Variants in DRC3 observed in about 807,000 individuals in gnomAD.
The protein encoded by DRC3 is leucine rich repeat containing 48.
In DRC3, 45 loss-of-function variants were observed where a neutral mutation model predicts 57.6. The ratio of observed to expected loss-of-function variants is 0.78; its 90% CI spans 0.62 to 1.00. The LOEUF is 1.00. DRC3 is among the 50% of genes least tolerant of loss of function. The probability of loss-of-function intolerance (pLI) is 0.00; values close to 1 mark genes in which losing one functional copy is unlikely to be tolerated. For missense variants in DRC3, 655 were observed against 675.2 expected, an observed-to-expected ratio of 0.97 and a Z score of 0.33; for synonymous variants, 257 against 272.3, an observed-to-expected ratio of 0.94 and a Z score of 0.55.
chr17:17,977,383 C>A, intron 2 of DRC3, 199 bp from the exon 3 acceptor site: 1 of 589,398 alleles, frequency 1.7e-6, no homozygotes. Flanking sequence ...GTGGACAGGC[C>A]CAGGTGGTTG....
chr17:18,012,102 G>A (rs908183735), intron 12 of DRC3, among the ~76,000 whole-genome samples: 3 of 152,148 alleles, frequency 2.0e-5, no homozygotes, highest in Admixed American at 6.6e-5. Flanking sequence ...GTAACACAGG[G>A]TTTTTATATA....
chr17:17,980,242 TG>T (rs966870112), intron 3 of DRC3, among the ~76,000 whole-genome samples: 1 of 151,600 alleles, frequency 6.6e-6, no homozygotes, highest in African/African-American at 2.4e-5. Context: ...CTGGACTGTA[TG>T]TTTTTTTTTT....
chr17:17,989,951 G>T (rs1054409577), intron 5 of DRC3, among the ~76,000 whole-genome samples: 2 of 152,236 alleles, frequency 1.3e-5, no homozygotes, highest in Non-Finnish European at 2.9e-5. Flanking sequence ...ATTTAGTGGC[G>T]TGATAATTGG....
intron 5 of DRC3, among the ~76,000 whole-genome samples, chr17:17,989,750 A>C (rs2145302333): frequency 6.6e-6 from 1 of 152,340 alleles, no homozygotes; most frequent in Admixed American, 6.5e-5. Flanking sequence ...GATTCCCGCA[A>C]CAGCTGAGGG....
At chr17:17,977,503 C>T in intron 2 of DRC3, 79 bp from the exon 3 acceptor site, 1 of 1,553,166 alleles carries the variant, frequency 6.4e-7, no homozygotes, top group Non-Finnish European at 8.8e-7. Flanking sequence ...CAAGACACTA[C>T]AGGGGGAAAC....
intron 11 of DRC3, 62 bp downstream of exon 11, chr17:18,006,315 G>T (rs373178201): frequency 3.2e-6 from 4 of 1,236,276 alleles, no homozygotes. Context: ...GGCTTGTCCC[G>T]GCCTCTGGAC....
intron 9 of DRC3, among the ~76,000 whole-genome samples, chr17:18,002,898 C>G (rs2043794407): frequency 6.6e-6 from 1 of 152,008 alleles, no homozygotes; most frequent in Non-Finnish European, 1.5e-5. Flanking sequence ...TGACTGGGAC[C>G]AAGAATTAAA....
At chr17:18,009,917 TGAG>T (rs756195735) in intron 12 of DRC3, among the ~76,000 whole-genome samples, 15 of 152,212 alleles carry the variant, frequency 9.9e-5, no homozygotes, top group Admixed American at 2.6e-4. Flanking sequence ...ACGTACATGC[TGAG>T]GAGAGAGCCT....
chr17:17,983,887 A>G lies in DRC3; in HGVS notation c.220A>G (p.Asn74Asp). ...FENLRKLQLD[N>D]NIIEKIEGLE... The stretch of plus-strand genomic sequence containing the variant: ...GAACTTGAGGAAGCTGCAGCTGGAC[A>G]ATAACATCATTGAGAAGATCGAGGG... The change falls in exon 4 of 14, where the codon AAT becomes GAT. Residue 74 changes from asparagine to aspartate, a missense_variant. Coordinates refer to ENST00000399187, the MANE Select transcript of DRC3 (RefSeq NM_031294.4). The G allele has an allele frequency of 6.2e-7, 1 of 1,613,700 alleles. No individual in the cohort carries two copies. The highest frequency in any genetic ancestry group is 8.5e-7 in the Non-Finnish European group (1 of 1,179,662).
chr17:17,979,205 G>A (rs149161799), intron 3 of DRC3, among the ~76,000 whole-genome samples: 433 of 152,268 alleles, frequency 2.8e-3, no homozygotes, highest in African/African-American at 9.6e-3. Context: ...GCTGGACCCC[G>A]CCTTATCATC....
chr17:17,983,472 G>T (rs907199710), intron 3 of DRC3, among the ~76,000 whole-genome samples: 2 of 152,168 alleles, frequency 1.3e-5, no homozygotes, highest in Admixed American at 6.5e-5. Flanking sequence ...TCTGTGTCCT[G>T]TGTCCTAAGG....
At chr17:17,980,670 C>T (rs2042631984) in intron 3 of DRC3, among the ~76,000 whole-genome samples, 1 of 149,782 alleles carries the variant, frequency 6.7e-6, no homozygotes, top group East Asian at 2.0e-4. Flanking sequence ...TCTAGGCTCA[C>T]TGCAACCTTC....
At chr17:17,999,202 C>T (rs1474497306) in intron 9 of DRC3, among the ~76,000 whole-genome samples, 1 of 152,206 alleles carries the variant, frequency 6.6e-6, no homozygotes, top group Non-Finnish European at 1.5e-5. Flanking sequence ...GCCACTTGCT[C>T]CTCCGTTCAG....
At chr17:17,997,308 T>A (rs1159995925) in intron 8 of DRC3, 152 bp from the exon 9 acceptor site, 1 of 675,064 alleles carries the variant, frequency 1.5e-6, no homozygotes, top group African/African-American at 1.9e-5. Context: ...GATTTCTTCA[T>A]CCACCAAATG....
In DRC3 at chr17:18,016,601, A is replaced by T; in HGVS notation, c.1502A>T (p.Glu501Val). ...ATGAGGAACCGCAAGCGCGTGAAGG[A>T]GATCAATCAGTACATCGACCACATG... Reference protein sequence around the residue: ...EIMRNRKRVKEINQYIDHMQS... With the variant: ...EIMRNRKRVKVINQYIDHMQS... The change falls in exon 14 of 14, where the codon GAG (glutamate) becomes GTG (valine). Residue 501 changes from glutamate (E) to valine (V), a missense_variant. Coordinates refer to ENST00000399187, the MANE Select transcript of DRC3 (RefSeq NM_031294.4). 1 of 1,613,968 alleles carries T rather than the reference A, an allele frequency of 6.2e-7. No individual in the cohort carries two copies. The highest frequency in any genetic ancestry group is 8.5e-7 in the Non-Finnish European group (1 of 1,179,866).
intron 9 of DRC3, among the ~76,000 whole-genome samples, chr17:17,999,614 C>T (rs1325339277): frequency 6.6e-6 from 1 of 152,236 alleles, no homozygotes. Context: ...CAGGGTCATG[C>T]TGCAGCCATG....
intron 3 of DRC3, among the ~76,000 whole-genome samples, chr17:17,981,905 C>T (rs1173402357): frequency 6.6e-6 from 1 of 151,982 alleles, no homozygotes; most frequent in African/African-American, 2.4e-5. Flanking sequence ...CCAGGCTGGT[C>T]TCAAACTCCT....
intron 12 of DRC3, among the ~76,000 whole-genome samples, chr17:18,012,830 A>G (rs1279309180): frequency 6.6e-6 from 1 of 152,222 alleles, no homozygotes; most frequent in Non-Finnish European, 1.5e-5. Flanking sequence ...ATATCAAACT[A>G]TAAATCTTCT....
intron 4 of DRC3, 75 bp downstream of exon 4, chr17:17,984,019 CAAT>C (rs891701997): frequency 9.7e-5 from 91 of 937,454 alleles, no homozygotes; most frequent in Admixed American, 2.2e-4. Context: ...TCCCAGGAGA[CAAT>C]AATTGTGTGC....
Sources: allele counts gnomAD v4.1 joint callset (sites outside exome capture counted in the v4.1 genomes callset), GRCh38; gene constraint gnomAD v4.1.1; transcripts MANE v1.5; gene names NCBI Gene and HGNC (gene_info 2026-07-23, HGNC 2026-07-21).